The following KANK1 variants were observed in gnomAD, a reference collection of about 807,000 sequenced individuals.
KANK1 encodes the protein KN motif and ankyrin repeat domains 1, also known as KN motif and ankyrin repeat domain-containing protein 1.
KANK1 carries 109 observed loss-of-function variants against 106.2 expected under a neutral mutation model. The observed-to-expected ratio is 1.03, with a 90% CI of 0.88 to 1.20. KANK1 has a LOEUF of 1.20. Among genes scored for constraint, KANK1 ranks in the 50% most tolerant of loss-of-function variants. The pLI is 0.00. For synonymous variants in KANK1, 873 were observed against 652.2 expected (o/e 1.34, Z -5.16); for missense variants, 2,399 against 1,710.7 (o/e 1.40, Z -7.10).
At chr9:581,463 T>G (rs1230970528) in intron 1 of KANK1, among the ~76,000 whole-genome samples, 1 of 152,236 alleles carries the variant, frequency 6.6e-6, no homozygotes, top group Non-Finnish European at 1.5e-5. Flanking sequence ...CGTGATCCAC[T>G]GATGGAAGTC....
intron 1 of KANK1, among the ~76,000 whole-genome samples, chr9:538,047 T>TC (rs373803130): frequency 6.6e-6 from 1 of 152,112 alleles, no homozygotes; most frequent in Non-Finnish European, 1.5e-5. Flanking sequence ...CTTTTTTTTT[T>TC]CTGTCTTGGA....
At chr9:514,258 C>CCGTCCCTCCCTTCCTT (rs1400368801) in intron 1 of KANK1, among the ~76,000 whole-genome samples, 8 of 105,496 alleles carry the variant, frequency 7.6e-5, no homozygotes, top group Admixed American at 4.9e-4. Context: ...CTTCCTCCCT[C>CCGTCCCTCCCTTCCTT]CGTCCCTCCC....
chr9:709,854 T>C (rs1825442284), intron 2 of KANK1, among the ~76,000 whole-genome samples: 1 of 152,096 alleles, frequency 6.6e-6, no homozygotes, highest in Non-Finnish European at 1.5e-5. Context: ...TGACCTCAGG[T>C]GATCCACCCG....
intron 1 of KANK1, among the ~76,000 whole-genome samples, chr9:620,755 A>G (rs1832959097): frequency 1.3e-5 from 2 of 152,208 alleles, no homozygotes; most frequent in Admixed American, 1.3e-4. Flanking sequence ...ACCAATTTTA[A>G]AAACCAATTT....
At position 679,490 on chromosome 9, in the gene KANK1, C is replaced by T. The variant is rs554045067; in HGVS notation, c.37+2481C>T. Reference sequence around the variant, plus strand: ...AGTGCAGTGGCACGATATCGGCTCACTGCAACCTCTGCCTCCTGGGTTCAA... The same window carrying T: ...AGTGCAGTGGCACGATATCGGCTCATTGCAACCTCTGCCTCCTGGGTTCAA... On this transcript the variant is annotated intron_variant, in intron 2 of 11. Transcript: ENST00000382297. 1.0e-3 allele frequency among the ~76,000 whole-genome samples: 156 copies of T among 152,284 alleles called. 3 individuals carry two copies. Among genetic ancestry groups the T allele is most frequent in the Non-Finnish European group, 1.8e-4 (12 of 68,028 alleles).
chr9:546,608 T>A (rs1159113919), intron 1 of KANK1, among the ~76,000 whole-genome samples: 1 of 152,066 alleles, frequency 6.6e-6, no homozygotes, highest in East Asian at 1.9e-4. Flanking sequence ...ACTCATCATG[T>A]TATAGGTTTT....
intron 3 of KANK1, among the ~76,000 whole-genome samples, chr9:718,128 T>C (rs1828217233): frequency 6.6e-6 from 1 of 152,112 alleles, no homozygotes; most frequent in South Asian, 2.1e-4. Flanking sequence ...TTTACCTGTC[T>C]TAGCACTTGG....
chr9:506,592 A>G (rs2058769416), intron 1 of KANK1, among the ~76,000 whole-genome samples: 1 of 152,128 alleles, frequency 6.6e-6, no homozygotes, highest in African/African-American at 2.4e-5. Flanking sequence ...AGGAAAAAAG[A>G]CTAGGCTTAA....
At chr9:690,350 T>C (rs1819626271) in intron 2 of KANK1, among the ~76,000 whole-genome samples, 1 of 149,678 alleles carries the variant, frequency 6.7e-6, no homozygotes, top group South Asian at 2.1e-4. Context: ...AGAATGTCCC[T>C]AGTTTATGGC....
Position 711,230 on chromosome 9 carries a change from C to T in KANK1, c.464C>T (p.Thr155Ile), listed in dbSNP as rs546990603. 2.5e-6 allele frequency: 4 copies of T among 1,614,146 alleles called. No individual in the cohort carries two copies. The highest frequency in any genetic ancestry group is 2.7e-5 in the African/African-American group (2 of 75,020). ...CTCCCAAAGCATAACCTTCATGTCA[C>T]CAAGACACTGATGGAGACCCGGAGA... is the stretch of plus-strand genomic sequence containing the variant. ...PQLPKHNLHVTKTLMETRRRL... is the reference protein window; with the variant it reads ...PQLPKHNLHVIKTLMETRRRL... Residue 155 changes from threonine (T) to isoleucine (I), a missense_variant, in exon 3 of 12, where the codon ACC becomes ATC. By Grantham distance (89) the Thr-to-Ile change is moderately conservative. Transcript: ENST00000382297.
intron 1 of KANK1, among the ~76,000 whole-genome samples, chr9:565,791 C>T (rs771099772): frequency 1.4e-4 from 22 of 152,158 alleles, no homozygotes; most frequent in Non-Finnish European, 2.6e-4. Context: ...CTATTTACCA[C>T]AGTAATTGGG....
intron 1 of KANK1, among the ~76,000 whole-genome samples, chr9:562,117 A>G (rs968604538): frequency 2.1e-5 from 3 of 140,504 alleles, no homozygotes; most frequent in Admixed American, 7.8e-5. Flanking sequence ...CAGTGGCGCA[A>G]TCTCGGCTCA....
At chr9:681,588 A>G (rs12348022) in intron 2 of KANK1, among the ~76,000 whole-genome samples, 9,533 of 152,242 alleles carry the variant, frequency 0.063, 379 homozygotes, top group African/African-American at 0.11. Context: ...GTGGTTGTGC[A>G]GGGAAAAAAA....
intron 1 of KANK1, among the ~76,000 whole-genome samples, chr9:514,859 TG>T (rs1362637057): frequency 6.6e-6 from 1 of 151,584 alleles, no homozygotes; most frequent in Admixed American, 6.6e-5. Context: ...ACCGTCAGAG[TG>T]GTTTTATCAA....
intron 1 of KANK1, among the ~76,000 whole-genome samples, chr9:601,676 T>C (rs904811303): frequency 2.0e-5 from 3 of 151,986 alleles, no homozygotes; most frequent in South Asian, 4.1e-4. Flanking sequence ...TTATCATCAT[T>C]ATTTTCTTCT....
chr9:655,006 A>G (rs1841806210), intron 1 of KANK1, among the ~76,000 whole-genome samples: 1 of 152,126 alleles, frequency 6.6e-6, no homozygotes, highest in South Asian at 2.1e-4. Flanking sequence ...GCTTTGAAAT[A>G]TACTTCTGCT....
At chr9:667,977 C>T (rs1323170510) in intron 1 of KANK1, among the ~76,000 whole-genome samples, 3 of 152,094 alleles carry the variant, frequency 2.0e-5, no homozygotes, top group African/African-American at 7.2e-5. Flanking sequence ...ATGATCCACC[C>T]ACCTCAGCCT....
At chr9:684,670 C>A in intron 2 of KANK1, 1 of 735,352 alleles carries the variant, frequency 1.4e-6, no homozygotes, top group South Asian at 6.1e-5. Context: ...AGCTCATTTG[C>A]TTCCTTTTCC....
chr9:652,494 G>T (rs933205314), intron 1 of KANK1, among the ~76,000 whole-genome samples: 7 of 152,160 alleles, frequency 4.6e-5, no homozygotes, highest in Non-Finnish European at 5.9e-5. Context: ...TTGCACTCCA[G>T]CCTGGGCGAC....
Sources: allele counts gnomAD v4.1 joint callset (sites outside exome capture counted in the v4.1 genomes callset), GRCh38; gene constraint gnomAD v4.1.1; transcripts MANE v1.5; gene names NCBI Gene and HGNC (gene_info 2026-07-23, HGNC 2026-07-21).